The following AVEN variants were observed in gnomAD, a reference collection of about 807,000 sequenced individuals.
AVEN encodes cell death regulator Aven.
AVEN carries 41 observed loss-of-function variants against 38.1 expected under a neutral mutation model. The ratio of observed to expected loss-of-function variants is 1.08; its 90% confidence interval spans 0.84 to 1.40. The LOEUF (loss-of-function observed/expected upper bound fraction) is 1.40. Ranked by LOEUF, AVEN falls within the 40% of genes most tolerant of loss-of-function variation. The pLI is 0.00. For synonymous variants in AVEN, 206 were observed against 171.8 expected, an observed-to-expected ratio of 1.20 and a Z score of -1.56; for missense variants, 605 against 438.8, an observed-to-expected ratio of 1.38 and a Z score of -3.38.
downstream of AVEN, chr15:33,864,954 G>A: frequency 3.6e-6 from 2 of 551,738 alleles, no homozygotes; most frequent in Non-Finnish European, 6.4e-6. Flanking sequence ...AGAGAGACAT[G>A]GCTTCTTGCT....
intron 1 of AVEN, among the ~76,000 whole-genome samples, chr15:34,028,979 T>C (rs902347950): frequency 6.6e-6 from 1 of 152,176 alleles, no homozygotes; most frequent in Non-Finnish European, 1.5e-5. Flanking sequence ...TAGTTATTCA[T>C]TTGTCTATAA....
intron 2 of AVEN, among the ~76,000 whole-genome samples, chr15:33,977,785 AT>A (rs1292142589): frequency 2.0e-5 from 3 of 152,066 alleles, no homozygotes; most frequent in African/African-American, 7.2e-5. Context: ...AGAAAGGACT[AT>A]TTCAGGCCAG....
intron 2 of AVEN, among the ~76,000 whole-genome samples, chr15:33,942,293 A>C (rs1019688992): frequency 3.3e-5 from 5 of 152,118 alleles, no homozygotes; most frequent in African/African-American, 1.2e-4. Flanking sequence ...AGTTCACACC[A>C]TCTCCCTTCA....
intron 2 of AVEN, among the ~76,000 whole-genome samples, chr15:33,997,178 A>G (rs1270658896): frequency 6.6e-6 from 1 of 152,236 alleles, no homozygotes; most frequent in Non-Finnish European, 1.5e-5. Context: ...CATAAACAGT[A>G]GGATAGAAAA....
chr15:33,991,795 G>A (rs1032017484), intron 2 of AVEN: 1 of 152,046 alleles, frequency 6.6e-6, no homozygotes, highest in Admixed American at 6.6e-5. Context: ...AGACAGAAAG[G>A]TAGAAAAAGA....
chr15:33,989,885 G>T (rs1463039033), intron 2 of AVEN, among the ~76,000 whole-genome samples: 1 of 150,060 alleles, frequency 6.7e-6, no homozygotes, highest in African/African-American at 2.5e-5. Context: ...CAATTGAGAC[G>T]GATACACTAG....
intron 2 of AVEN, among the ~76,000 whole-genome samples, chr15:33,951,898 CAG>C (rs779500704): frequency 6.6e-6 from 1 of 152,156 alleles, no homozygotes; most frequent in Non-Finnish European, 1.5e-5. Flanking sequence ...TTCTATTTCT[CAG>C]AGAAATCACT....
Position 33,951,046 on chromosome 15 carries a change from A to G in AVEN, c.445+51986T>C, listed in dbSNP as rs1025547534. The stretch of plus-strand genomic sequence containing the variant: ...GAGAAGGAAGGAAAGGAAGGGAGAG[A>G]GGGTGGGAGGAAGGGGAGAGGAGGG... On this transcript the variant is annotated intron_variant, in intron 2 of 5. Transcript: ENST00000306730. 2.8e-5 allele frequency among the ~76,000 whole-genome samples: 4 copies of G among 140,840 alleles called. No individual in the cohort carries two copies. The Admixed American group carries it at 2.9e-4, about 10-fold the overall frequency. The allele number at this position is 140,840 out of a possible 152,430, so 92.4% of individuals were successfully genotyped here.
chr15:33,987,697 T>C (rs1370613568), intron 2 of AVEN, among the ~76,000 whole-genome samples: 1 of 152,148 alleles, frequency 6.6e-6, no homozygotes, highest in Admixed American at 6.5e-5. Context: ...TCTCTCTTTC[T>C]CTCTTTGGGC....
At chr15:33,975,767 T>C (rs897428859) in intron 2 of AVEN, among the ~76,000 whole-genome samples, 2 of 152,106 alleles carry the variant, frequency 1.3e-5, no homozygotes, top group African/African-American at 4.8e-5. Context: ...CCATCTCTAC[T>C]GAGAATACAA....
downstream of AVEN, chr15:33,856,683 G>A (rs537335275): frequency 1.3e-3 from 201 of 155,880 alleles, 1 homozygote; most frequent in African/African-American, 4.1e-3. Context: ...TTTTTGAGAC[G>A]GAGTCTCACT....
In AVEN at chr15:33,867,384, C is replaced by T. The variant is rs1411486349; in HGVS notation, c.973+111G>A. 4.9e-6 allele frequency: 7 copies of T among 1,420,160 alleles called. No homozygotes were observed. The African/African-American group carries it at 8.6e-5, about 17-fold the overall frequency. The allele number at this position is 1,420,160 out of a possible 1,614,324, so 88.0% of individuals were successfully genotyped here. A position where few individuals can be genotyped will look rare whatever the true frequency, so the allele number is the denominator to read the frequency against. ...CAGAAATAGATGTCAGTGGACAACA[C>T]TGGATCAATGTCAGACACCCAGAGG... On this transcript the variant is annotated intron_variant, in intron 5 of 5. Transcript: ENST00000306730.
intron 1 of AVEN, among the ~76,000 whole-genome samples, chr15:34,026,926 A>G (rs946776814): frequency 6.6e-6 from 1 of 152,198 alleles, no homozygotes; most frequent in Non-Finnish European, 1.5e-5. Context: ...AAAGAGTGAC[A>G]TGATGTGTTT....
chr15:33,925,175 T>C (rs1412417540), intron 2 of AVEN, among the ~76,000 whole-genome samples: 2 of 152,214 alleles, frequency 1.3e-5, no homozygotes, highest in Non-Finnish European at 2.9e-5. Flanking sequence ...CCCCTGTACC[T>C]TCCTCCCTAT....
At chr15:33,854,255 CATA>C, downstream of AVEN, 3 of 688,812 alleles carry the variant, frequency 4.4e-6, no homozygotes, top group South Asian at 5.3e-5. Context: ...ATGGGGAGCA[CATA>C]CAACTTGATA....
chr15:33,929,216 C>T (rs1274210106), intron 2 of AVEN, among the ~76,000 whole-genome samples: 1 of 152,174 alleles, frequency 6.6e-6, no homozygotes, highest in African/African-American at 2.4e-5. Context: ...TGAATCTCAG[C>T]AGTTCTTTGA....
At chr15:33,967,142 G>A (rs879555656) in intron 2 of AVEN, among the ~76,000 whole-genome samples, 3 of 152,070 alleles carry the variant, frequency 2.0e-5, no homozygotes, top group Non-Finnish European at 4.4e-5. Flanking sequence ...CTAAAGATAT[G>A]TTCTCTTGCA....
At chr15:33,940,601 G>C (rs1213021758) in intron 2 of AVEN, among the ~76,000 whole-genome samples, 2 of 152,060 alleles carry the variant, frequency 1.3e-5, no homozygotes, top group African/African-American at 2.4e-5. Flanking sequence ...GAGTGCAATG[G>C]CACGATCTCA....
chr15:34,049,659 G>A (rs184139014), intron 5 of AVEN, among the ~76,000 whole-genome samples: 1 of 152,062 alleles, frequency 6.6e-6, no homozygotes, highest in Non-Finnish European at 1.5e-5. Flanking sequence ...TCAGGCCAAC[G>A]TTCAAATTGA....
Sources: gnomAD v4.1 joint callset for allele counts (sites outside exome capture counted in the v4.1 genomes callset) on GRCh38, gnomAD v4.1.1 for gene constraint, MANE v1.5 for transcripts, NCBI Gene and HGNC (gene_info 2026-07-23, HGNC 2026-07-21) for gene names.